TAF4: variants seen among roughly 807,000 people sequenced by gnomAD.
The protein encoded by TAF4 is transcription initiation factor TFIID subunit 4.
Under a neutral mutation model 90.3 loss-of-function variants are expected in TAF4, and 9 were observed. The ratio of observed to expected loss-of-function variants is 0.10; its 90% CI spans 0.06 to 0.17. TAF4 has a LOEUF of 0.17. Ranked by LOEUF, TAF4 falls within the 10% of genes least tolerant of loss-of-function variation. The pLI is 1.00. For missense variants in TAF4, 1,351 were observed against 1,370.7 expected, an observed-to-expected ratio of 0.99 and a Z score of 0.23; for synonymous variants, 818 against 638.9, an observed-to-expected ratio of 1.28 and a Z score of -4.23.
chr20:62,031,339 G>A (rs183154646), intron 1 of TAF4, among the ~76,000 whole-genome samples: 4 of 152,190 alleles, frequency 2.6e-5, no homozygotes, highest in African/African-American at 4.8e-5. Context: ...CGCTTCCGCC[G>A]ACAGCAGTGA....
intron 1 of TAF4, among the ~76,000 whole-genome samples, chr20:62,060,389 GC>G (rs747156070): frequency 2.0e-5 from 3 of 152,226 alleles, no homozygotes; most frequent in Non-Finnish European, 4.4e-5. Context: ...GAGGAGAGAG[GC>G]TCCTAAGAGC....
chr20:62,059,943 G>C (rs999501993), intron 1 of TAF4, among the ~76,000 whole-genome samples: 1 of 152,216 alleles, frequency 6.6e-6, no homozygotes, highest in Non-Finnish European at 1.5e-5. Context: ...TTAAGTGGAA[G>C]AAAACTCACA....
chr20:62,044,561 T>A (rs965044626), intron 1 of TAF4, among the ~76,000 whole-genome samples: 16 of 152,288 alleles, frequency 1.1e-4, no homozygotes, highest in Admixed American at 4.6e-4. Flanking sequence ...AAGAATAAAT[T>A]CTAAAGACAA....
Position 62,000,238 on chromosome 20 carries a change from T to C in TAF4, c.2673A>G (p.Ile891Met), listed in dbSNP as rs1363497510. The C allele has an allele frequency of 6.2e-7, 1 of 1,613,940 alleles. No homozygotes were observed. The highest frequency in any genetic ancestry group is 1.1e-5 in the South Asian group (1 of 91,038). Residue 891 changes from isoleucine to methionine, a missense_variant, in exon 11 of 15, where the codon ATA becomes ATG. Coordinates refer to ENST00000252996, the MANE Select transcript of TAF4 (RefSeq NM_003185.4). ...TTACTACATCTGGATGTAATTCCGT[T>C]ATACCATGTTTTTTACCTAAAGGTC... is the stretch of plus-strand genomic sequence containing the variant. The part of the protein sequence containing the change: ...RILEIGKKHG[I>M]TELHPDVVSY...
rs2145500793 is a variant in TAF4 at position 62,039,084 on chromosome 20, T to A, written c.1361-24377A>T. 2.0e-5 allele frequency among the ~76,000 whole-genome samples: 3 copies of A among 152,102 alleles called. No homozygotes were observed. The South Asian group carries it at 6.2e-4, about 31-fold the overall frequency. On this transcript the variant is annotated intron_variant, in intron 1 of 14. Transcript: ENST00000252996. Reference sequence around the variant, plus strand: ...AAACAAACAAAAAGCTATCAAGGTATCAAGAGGCTTTTTTTGTAGAAGTTG... The same window carrying A: ...AAACAAACAAAAAGCTATCAAGGTAACAAGAGGCTTTTTTTGTAGAAGTTG...
chr20:62,018,814 G>A (rs2055827074), intron 1 of TAF4, among the ~76,000 whole-genome samples: 1 of 152,254 alleles, frequency 6.6e-6, no homozygotes, highest in Non-Finnish European at 1.5e-5. Context: ...CCGTCCCAAA[G>A]ACCCTCAGCA....
chr20:61,985,323 G>A (rs1020289712), intron 14 of TAF4, among the ~76,000 whole-genome samples: 2 of 151,974 alleles, frequency 1.3e-5, no homozygotes, highest in East Asian at 3.9e-4. Flanking sequence ...TGTGCCTGCA[G>A]TCCCAACTCC....
intron 1 of TAF4, among the ~76,000 whole-genome samples, chr20:62,016,116 C>G (rs2055810641): frequency 6.6e-6 from 1 of 152,224 alleles, no homozygotes; most frequent in African/African-American, 2.4e-5. Context: ...CCTTCAAAGC[C>G]AGGTGGGCAC....
chr20:61,995,896 A>T (rs1386579762), intron 14 of TAF4, among the ~76,000 whole-genome samples: 1 of 151,192 alleles, frequency 6.6e-6, no homozygotes, highest in Admixed American at 6.6e-5. Context: ...AAAAAAAAAA[A>T]TTTGAAGAAG....
At position 62,003,762 on chromosome 20, in the gene TAF4, A is replaced by C. The variant is rs754362737; in HGVS notation, c.2340T>G (p.Pro780=). 2 of 1,606,000 alleles carry C rather than the reference A, an allele frequency of 1.2e-6. No homozygotes were observed. Among genetic ancestry groups the C allele is most frequent in the Non-Finnish European group, 1.7e-6 (2 of 1,178,760 alleles). The change falls in exon 8 of 15, where the codon CCT becomes CCG. Residue 780 remains proline (P), a synonymous_variant. Coordinates refer to ENST00000252996, the MANE Select transcript of TAF4 (RefSeq NM_003185.4). Reference sequence around the variant, plus strand: ...GCAGTGGGTTCAGCTGGATCTGCTGAGGCGTGGTGAGCATGATCCGGTTGT... The same window carrying C: ...GCAGTGGGTTCAGCTGGATCTGCTGCGGCGTGGTGAGCATGATCCGGTTGT... ...QPHNRIMLTT[P]QQIQLNPLQP... is the part of the protein sequence containing the mutation.
chr20:62,011,898 C>A (rs1342310993), intron 3 of TAF4, among the ~76,000 whole-genome samples: 1 of 152,226 alleles, frequency 6.6e-6, no homozygotes, highest in Non-Finnish European at 1.5e-5. Context: ...ACCCCTGAAC[C>A]ATTTTTCTCC....
intron 1 of TAF4, among the ~76,000 whole-genome samples, chr20:62,022,381 C>G (rs1307945707): frequency 6.6e-6 from 1 of 152,156 alleles, no homozygotes; most frequent in Non-Finnish European, 1.5e-5. Flanking sequence ...CAGAGAGGAG[C>G]ATGGTCCTCA....
At chr20:62,034,693 C>T (rs1297833606) in intron 1 of TAF4, among the ~76,000 whole-genome samples, 1 of 152,002 alleles carries the variant, frequency 6.6e-6, no homozygotes. Flanking sequence ...CCTGGAATGC[C>T]CTACACATAT....
rs1457876699 is a variant in TAF4, at chr20:62,064,987, G to T, written c.824C>A (p.Pro275His). 8.1e-5 allele frequency: 22 copies of T among 270,694 alleles called. No individual in the cohort carries two copies. Among genetic ancestry groups the T allele is most frequent in the Non-Finnish European group, 7.5e-5 (14 of 185,606 alleles). 16.8% of individuals were successfully genotyped at this position (270,694 alleles called of 1,614,324 possible). Residue 275 changes from proline (P) to histidine (H), a missense_variant, in exon 1 of 15, where the codon CCC becomes CAC. By Grantham distance (77) the Pro-to-His change is moderately conservative (BLOSUM62 -2). Transcript: ENST00000252996. ...CGGCCGGGCCAGAGTGGCGGGCGCG[G>T]GGGGTGGCGGGGGCGGGGCGGCGGC... is the stretch of plus-strand genomic sequence containing the variant. ...APAAAPPPPP[P>H]APATLARPPG... is the part of the protein sequence containing the mutation.
At chr20:62,018,032 G>A (rs930791067) in intron 1 of TAF4, among the ~76,000 whole-genome samples, 1 of 152,212 alleles carries the variant, frequency 6.6e-6, no homozygotes, top group Non-Finnish European at 1.5e-5. Flanking sequence ...CTTGTGGTCA[G>A]GAAAGTTGGA....
At position 61,995,780 on chromosome 20, in the gene TAF4, G is replaced by A. The variant is rs1220576149; in HGVS notation, c.3090+1770C>T. Among the ~76,000 whole-genome samples, 3 of 65,000 alleles carry A rather than the reference G, an allele frequency of 4.6e-5. 1 individual carries two copies. The highest frequency in any genetic ancestry group is 2.4e-4 in the African/African-American group (3 of 12,528). 42.6% of individuals were successfully genotyped at this position (65,000 alleles called of 152,430 possible). ...GGGGAGGCTGAGGCAGGAGAATGGC[G>A]TGAACCCGGGAAGCGGAGCTTGCAG... On this transcript the variant is annotated intron_variant, in intron 14 of 14. Transcript: ENST00000252996.
intron 1 of TAF4, among the ~76,000 whole-genome samples, chr20:62,043,451 G>A (rs1017708006): frequency 6.6e-6 from 1 of 152,148 alleles, no homozygotes; most frequent in Non-Finnish European, 1.5e-5. Context: ...TATTACTGAA[G>A]AAAGAAAACT....
chr20:61,999,769 G>A (rs1435396405), intron 11 of TAF4, among the ~76,000 whole-genome samples: 1 of 152,156 alleles, frequency 6.6e-6, no homozygotes, highest in African/African-American at 2.4e-5. Context: ...TACATCGCGA[G>A]TCCCTGTCCC....
Position 62,065,855 on chromosome 20 carries a change from C to G in TAF4, c.-45G>C. 8.3e-7 allele frequency: 1 copy of G among 1,210,560 alleles called. No homozygotes were observed. The highest frequency in any genetic ancestry group is 1.1e-6 in the Non-Finnish European group (1 of 951,340). The allele number at this position is 1,210,560 out of a possible 1,614,324, so 75.0% of individuals were successfully genotyped here. On this transcript the variant is annotated 5_prime_UTR_variant, in exon 1 of 15. Coordinates refer to ENST00000252996, the MANE Select transcript of TAF4 (RefSeq NM_003185.4). ...CCGCCGCCGCCGCTCGGGCCGAGCG[C>G]GCCTGGGCGAGGAGGAGGTTCCGAC... is the stretch of plus-strand genomic sequence containing the variant.
Sources: allele counts gnomAD v4.1 joint callset (sites outside exome capture counted in the v4.1 genomes callset), GRCh38; gene constraint gnomAD v4.1.1; transcripts MANE v1.5; gene names NCBI Gene and HGNC (gene_info 2026-07-23, HGNC 2026-07-21).